The following KLF12 variants were observed in gnomAD, a reference collection of about 807,000 sequenced individuals.
KLF12 encodes Krueppel-like factor 12.
In KLF12, 9 loss-of-function variants were observed where a neutral mutation model predicts 37.8. That is an observed-to-expected ratio of 0.24 (90% CI 0.14 to 0.42). The LOEUF is 0.42. Ranked by LOEUF, KLF12 falls within the 10% of genes least tolerant of loss-of-function variation. The pLI is 1.00. For synonymous variants in KLF12, 208 were observed against 202.1 expected (o/e 1.03, Z -0.25); for missense variants, 411 against 516.0 (o/e 0.80, Z 1.97).
At chr13:74,171,635 C>T in the KLF12 span, among the ~76,000 whole-genome samples, 366 of 152,204 alleles carry the variant, frequency 2.4e-3, no homozygotes, top group Non-Finnish European at 3.7e-3. Flanking sequence ...TAGTTATTTT[C>T]ATCATTACAT....
intron 6 of KLF12, among the ~76,000 whole-genome samples, chr13:73,739,856 A>G (rs577437930): frequency 7.9e-5 from 12 of 152,368 alleles, no homozygotes; most frequent in African/African-American, 2.2e-4. Flanking sequence ...TTCTTGGATA[A>G]TTTTATCTTT....
chr13:73,698,857 T>C lies in KLF12; in HGVS notation c.1028-3186A>G, dbSNP rs571537258. Among the ~76,000 whole-genome samples, 236 of 152,250 alleles carry C rather than the reference T, an allele frequency of 1.6e-3. 4 individuals are homozygous for C. In the Middle Eastern group the frequency reaches 0.024, roughly 15 times the overall value. On this transcript the variant is annotated intron_variant, in intron 7 of 7. Transcript: ENST00000377669. ...CTCTGCTTTTTGTAAGCTTCGTGAA[T>C]ATGTTAGCTTATTGAATTGGGATTA...
At chr13:73,722,189 CT>C (rs1244065067) in intron 6 of KLF12, among the ~76,000 whole-genome samples, 1 of 152,142 alleles carries the variant, frequency 6.6e-6, no homozygotes, top group Non-Finnish European at 1.5e-5. Flanking sequence ...AGAATGACTT[CT>C]TTGTTAGTGA....
intron 4 of KLF12, among the ~76,000 whole-genome samples, chr13:73,842,256 A>T (rs1253542136): frequency 6.6e-6 from 1 of 152,188 alleles, no homozygotes; most frequent in Non-Finnish European, 1.5e-5. Context: ...ACATGAAAAT[A>T]CTTTGGTCAA....
chr13:73,966,182 T>C (rs185865987), intron 2 of KLF12, among the ~76,000 whole-genome samples: 1 of 152,220 alleles, frequency 6.6e-6, no homozygotes, highest in Admixed American at 6.5e-5. Flanking sequence ...TTCTGAAAGA[T>C]GTAGAAATGT....
chr13:73,718,074 A>G (rs911413909), intron 6 of KLF12, among the ~76,000 whole-genome samples: 2 of 152,362 alleles, frequency 1.3e-5, no homozygotes, highest in African/African-American at 4.8e-5. Flanking sequence ...CTATAAGAAC[A>G]CTTTGTTTTG....
At chr13:74,132,731 G>A (rs939054867) in intron 1 of KLF12, among the ~76,000 whole-genome samples, 1 of 152,204 alleles carries the variant, frequency 6.6e-6, no homozygotes, top group African/African-American at 2.4e-5. Flanking sequence ...GGAAGCTGCA[G>A]GGCATATAAC....
intron 5 of KLF12, among the ~76,000 whole-genome samples, chr13:73,779,614 G>A (rs559289329): frequency 1.3e-5 from 2 of 152,282 alleles, no homozygotes; most frequent in South Asian, 2.1e-4. Context: ...TCTGCAAGGC[G>A]TTCTCACCAA....
chr13:73,878,010 G>A (rs1594203573), intron 3 of KLF12, among the ~76,000 whole-genome samples: 1 of 152,168 alleles, frequency 6.6e-6, no homozygotes, highest in South Asian at 2.1e-4. Flanking sequence ...TGTTTATATA[G>A]TTAATACATC....
At chr13:74,303,047 T>C in the KLF12 span, among the ~76,000 whole-genome samples, 1 of 152,070 alleles carries the variant, frequency 6.6e-6, no homozygotes, top group East Asian at 1.9e-4. Context: ...CGCCAAGTGG[T>C]ATTGATTGTT....
At chr13:73,931,512 TGA>T (rs2139289017) in intron 3 of KLF12, among the ~76,000 whole-genome samples, 1 of 150,544 alleles carries the variant, frequency 6.6e-6, no homozygotes, top group South Asian at 2.1e-4. Context: ...AAATAAAATT[TGA>T]GAGGAGAAGA....
At chr13:73,826,138 A>G (rs907475976) in intron 4 of KLF12, among the ~76,000 whole-genome samples, 7 of 151,476 alleles carry the variant, frequency 4.6e-5, no homozygotes, top group Admixed American at 1.3e-4. Flanking sequence ...ACGCCTGGCT[A>G]ATTTTTTTGT....
chr13:74,026,675 T>C (rs1282327412), intron 1 of KLF12, among the ~76,000 whole-genome samples: 1 of 152,200 alleles, frequency 6.6e-6, no homozygotes. Context: ...TGGATTCAAA[T>C]ATCAGTATCA....
intron 2 of KLF12, among the ~76,000 whole-genome samples, chr13:73,982,322 A>AAGG (rs369838368): frequency 6.6e-6 from 1 of 152,216 alleles, no homozygotes; most frequent in Non-Finnish European, 1.5e-5. Flanking sequence ...AAAAGAAATG[A>AAGG]AGGAGGAGGA....
At chr13:73,845,705 C>A in intron 4 of KLF12, 122 bp downstream of exon 4, 1 of 800,484 alleles carries the variant, frequency 1.2e-6, no homozygotes, top group South Asian at 1.8e-5. Context: ...CTGGTGTCTC[C>A]ACGTTGCTCT....
intron 1 of KLF12, among the ~76,000 whole-genome samples, chr13:74,046,879 T>C (rs1202797597): frequency 6.6e-6 from 1 of 152,210 alleles, no homozygotes; most frequent in Non-Finnish European, 1.5e-5. Flanking sequence ...AGACTTAAAA[T>C]ACCAAATTAT....
At chr13:74,122,991 A>T (rs909581994) in intron 1 of KLF12, among the ~76,000 whole-genome samples, 1 of 150,900 alleles carries the variant, frequency 6.6e-6, no homozygotes, top group African/African-American at 2.4e-5. Flanking sequence ...AATGAATTTA[A>T]AAGTTTCCAT....
intron 2 of KLF12, among the ~76,000 whole-genome samples, chr13:73,958,303 G>A (rs1346055426): frequency 6.6e-6 from 1 of 151,868 alleles, no homozygotes; most frequent in African/African-American, 2.4e-5. Flanking sequence ...GAGTGCAGTG[G>A]TGCGATCTCG....
intron 6 of KLF12, among the ~76,000 whole-genome samples, chr13:73,734,075 A>G (rs1200244753): frequency 1.3e-5 from 2 of 152,130 alleles, no homozygotes; most frequent in African/African-American, 4.8e-5. Flanking sequence ...ATTTCAACTC[A>G]GTGCCTTCAC....
Sources: allele counts gnomAD v4.1 joint callset (sites outside exome capture counted in the v4.1 genomes callset), GRCh38; gene constraint gnomAD v4.1.1; transcripts MANE v1.5; gene names NCBI Gene and HGNC (gene_info 2026-07-23, HGNC 2026-07-21).